Variants in PDPN observed in about 807,000 individuals in gnomAD.
PDPN encodes the protein podoplanin.
Under a neutral mutation model 23.2 loss-of-function variants are expected in PDPN, and 12 were observed. That is an observed-to-expected ratio of 0.52 (90% CI 0.33 to 0.84). The LOEUF (loss-of-function observed/expected upper bound fraction) is 0.84. PDPN is among the 40% of genes least tolerant of loss of function. PDPN has a pLI of 0.02. For synonymous variants in PDPN, 77 were observed against 76.7 expected, an observed-to-expected ratio of 1.00 and a Z score of -0.02; for missense variants, 199 against 212.2, an observed-to-expected ratio of 0.94 and a Z score of 0.39.
At chr1:13,584,481 C>G (rs915062244) in intron 1 of PDPN, 1 of 589,288 alleles carries the variant, frequency 1.7e-6, no homozygotes, top group Non-Finnish European at 2.9e-6. Flanking sequence ...GGAATACGCA[C>G]GCCTCGGGAG....
chr1:13,593,001 A>G (rs1267371780), intron 1 of PDPN, among the ~76,000 whole-genome samples: 1 of 152,180 alleles, frequency 6.6e-6, no homozygotes, highest in African/African-American at 2.4e-5. Context: ...CTTTGTAGTA[A>G]GTTTTGAAAT....
chr1:13,609,681 G>C (rs139690650), intron 2 of PDPN, among the ~76,000 whole-genome samples: 2 of 152,250 alleles, frequency 1.3e-5, no homozygotes, highest in East Asian at 1.9e-4. Flanking sequence ...GAATCATATA[G>C]TACTTGTCTT....
At chr1:13,604,651 ATAAG>A (rs910770867) in intron 1 of PDPN, among the ~76,000 whole-genome samples, 3 of 152,150 alleles carry the variant, frequency 2.0e-5, no homozygotes, top group African/African-American at 7.2e-5. Context: ...GATACACCAA[ATAAG>A]TAAGTGATTG....
intron 1 of PDPN, among the ~76,000 whole-genome samples, chr1:13,588,613 TATATA>T (rs1222975675): frequency 6.8e-6 from 1 of 147,460 alleles, no homozygotes; most frequent in Admixed American, 6.8e-5. Flanking sequence ...TATATTTACA[TATATA>T]ATATATAATA....
chr1:13,610,599 A>G (rs2100277370), intron 3 of PDPN, 83 bp downstream of exon 3: 1 of 1,349,100 alleles, frequency 7.4e-7, no homozygotes, highest in Non-Finnish European at 1.0e-6. Flanking sequence ...AAATAGAATA[A>G]TCAATAGGGG....
In PDPN at chr1:13,593,075, A is replaced by G. The variant is rs1050945346; in HGVS notation, c.67+8975A>G. Among the ~76,000 whole-genome samples the G allele has an allele frequency of 5.3e-5, 8 of 152,246 alleles. No homozygotes were observed. The East Asian group carries it at 1.5e-3, about 29-fold the overall frequency. ...TGGTGATTCTCCTGTCTGTATTTTA[A>G]TTATTTGTGTACATAACTTGTCTCT... On this transcript the variant is annotated intron_variant, in intron 1 of 5. Coordinates refer to ENST00000621990, the MANE Select transcript of PDPN (RefSeq NM_006474.5).
In PDPN at chr1:13,614,366, G is replaced by T; in HGVS notation, c.437G>T (p.Gly146Val). The T allele has an allele frequency of 6.2e-7, 1 of 1,609,832 alleles. No homozygotes were observed. Among genetic ancestry groups the T allele is most frequent in the Non-Finnish European group, 8.5e-7 (1 of 1,176,094 alleles). ...VGVLLAIGFI[G>V]AIIVVVMRKM... is the part of the protein sequence containing the mutation. ...GTCTTACTAGCCATCGGCTTCATTG[G>T]TGCAATCATCGTTGTGGTTATGCGA... Residue 146 changes from glycine (G) to valine (V), a missense_variant, in exon 5 of 6, where the codon GGT (glycine) becomes GTT (valine). Transcript: ENST00000621990.
Position 13,616,702 on chromosome 1 carries a change from A to AGG in PDPN, c.*795_*796dup, listed in dbSNP as rs1200549157. 6.6e-6 allele frequency: 1 copy of AGG among 152,308 alleles called. No homozygotes were observed. The highest frequency in any genetic ancestry group is 1.5e-5 in the Non-Finnish European group (1 of 68,118). 9.4% of individuals were successfully genotyped at this position (152,308 alleles called of 1,614,324 possible). ...CTCAGATGATGAGGAGCCAGGGCTA[A>AGG]GGGGGCAGCCTTCTCTCTTCCCAGT... On this transcript the variant is annotated 3_prime_UTR_variant, in exon 6 of 6. Coordinates refer to ENST00000621990, the MANE Select transcript of PDPN (RefSeq NM_006474.5).
rs1641064622 is a variant in PDPN at position 13,616,022 on chromosome 1, G to A, written c.*111G>A. On this transcript the variant is annotated 3_prime_UTR_variant, in exon 6 of 6. Coordinates refer to ENST00000621990, the MANE Select transcript of PDPN (RefSeq NM_006474.5). ...AAGATGACCCGTGGAACACTTGCCT[G>A]GCCCACTCAGAATCCACGGTGACCT... 4 of 1,022,916 alleles carry A rather than the reference G, an allele frequency of 3.9e-6. No individual in the cohort carries two copies. The highest frequency in any genetic ancestry group is 6.2e-6 in the Non-Finnish European group (4 of 647,920). 63.4% of individuals were successfully genotyped at this position (1,022,916 alleles called of 1,614,324 possible).
chr1:13,609,515 C>T (rs1469384868), intron 2 of PDPN, among the ~76,000 whole-genome samples: 1 of 152,126 alleles, frequency 6.6e-6, no homozygotes, highest in African/African-American at 2.4e-5. Context: ...AGTATATTCA[C>T]ATCATTAAAC....
chr1:13,614,514 G>A, intron 5 of PDPN, 103 bp downstream of exon 5: 1 of 724,262 alleles, frequency 1.4e-6, no homozygotes, highest in South Asian at 1.7e-5. Context: ...GCTGGGTGTG[G>A]TGGCTCGTGC....
intron 1 of PDPN, among the ~76,000 whole-genome samples, chr1:13,584,909 C>T (rs1385467941): frequency 6.6e-6 from 1 of 152,192 alleles, no homozygotes; most frequent in East Asian, 1.9e-4. Flanking sequence ...TGGAGCCTTA[C>T]CTCTTCCCGC....
In PDPN at chr1:13,615,153, A is replaced by G. The variant is rs185726328; in HGVS notation, c.482+742A>G. Among the ~76,000 whole-genome samples the G allele has an allele frequency of 2.8e-3, 428 of 152,294 alleles. 10 individuals are homozygous for G. The highest frequency in any genetic ancestry group is 0.023 in the Admixed American group (353 of 15,298). On this transcript the variant is annotated intron_variant, in intron 5 of 5. Coordinates refer to ENST00000621990, the MANE Select transcript of PDPN (RefSeq NM_006474.5). ...GATCTTCCGCTCTTGCCCTGCGTGC[A>G]CCCACATACGTGGTCATAGACTCCT...
At chr1:13,602,589 T>C (rs1557544643) in intron 1 of PDPN, among the ~76,000 whole-genome samples, 1 of 152,102 alleles carries the variant, frequency 6.6e-6, no homozygotes, top group Non-Finnish European at 1.5e-5. Context: ...CAAAAGTACT[T>C]CTTTTTTTTG....
chr1:13,602,518 G>T (rs113592213), intron 1 of PDPN, among the ~76,000 whole-genome samples: 4,686 of 152,218 alleles, frequency 0.031, 225 homozygotes, highest in African/African-American at 0.11. Flanking sequence ...TTATTTAAAA[G>T]ATTTTTATTA....
chr1:13,604,291 C>T (rs146956424), intron 1 of PDPN, among the ~76,000 whole-genome samples: 400 of 152,290 alleles, frequency 2.6e-3, no homozygotes, highest in African/African-American at 9.3e-3. Flanking sequence ...GCTGGAAACT[C>T]GGCAGCTGGC....
intron 1 of PDPN, among the ~76,000 whole-genome samples, chr1:13,602,921 G>T (rs1480622550): frequency 6.6e-6 from 1 of 152,096 alleles, no homozygotes; most frequent in Non-Finnish European, 1.5e-5. Flanking sequence ...GCTCATGCCT[G>T]TGATCCCAGC....
At chr1:13,589,986 C>T (rs1020831195) in intron 1 of PDPN, among the ~76,000 whole-genome samples, 1 of 152,200 alleles carries the variant, frequency 6.6e-6, no homozygotes, top group Non-Finnish European at 1.5e-5. Context: ...TGCCACCACG[C>T]CTGGCTAATT....
At chr1:13,604,627 A>G (rs968599246) in intron 1 of PDPN, among the ~76,000 whole-genome samples, 2 of 151,886 alleles carry the variant, frequency 1.3e-5, no homozygotes, top group East Asian at 1.9e-4. Context: ...TAAAGCAAGG[A>G]TTGTTTTAAG....
Sources: allele counts gnomAD v4.1 joint callset (sites outside exome capture counted in the v4.1 genomes callset), GRCh38; gene constraint gnomAD v4.1.1; transcripts MANE v1.5; gene names NCBI Gene and HGNC (gene_info 2026-07-23, HGNC 2026-07-21).